The following SLC35F1 variants were observed in gnomAD, a reference collection of about 807,000 sequenced individuals.
SLC35F1 encodes solute carrier family 35 member F1, also known as chromosome 6 open reading frame 169.
A neutral mutation model predicts 48.7 loss-of-function variants in SLC35F1; 14 were observed. That is an observed-to-expected ratio of 0.29 (90% CI 0.19 to 0.45). SLC35F1 has a LOEUF of 0.45. Ranked by LOEUF, SLC35F1 falls within the 20% of genes least tolerant of loss-of-function variation. SLC35F1 has a pLI of 1.00. For missense variants in SLC35F1, 404 were observed against 500.0 expected (o/e 0.81, Z 1.83); for synonymous variants, 190 against 202.2 (o/e 0.94, Z 0.51).
intron 1 of SLC35F1, among the ~76,000 whole-genome samples, chr6:118,137,018 A>T (rs1332188391): frequency 6.6e-6 from 1 of 152,184 alleles, no homozygotes. Context: ...CTTTGATTTT[A>T]TATGTTGTTG....
intron 1 of SLC35F1, among the ~76,000 whole-genome samples, chr6:118,127,192 G>T (rs1242022984): frequency 4.1e-4 from 62 of 151,602 alleles, no homozygotes; most frequent in Non-Finnish European, 1.3e-4. Context: ...TAGCATGAAG[G>T]GTTGTTGAAT....
intron 2 of SLC35F1, among the ~76,000 whole-genome samples, chr6:118,202,415 T>A (rs1463710928): frequency 2.0e-5 from 3 of 152,152 alleles, no homozygotes; most frequent in Non-Finnish European, 4.4e-5. Context: ...GAGGATTGCT[T>A]GAACCCAGGA....
At chr6:118,141,613 A>G (rs564210233) in intron 1 of SLC35F1, among the ~76,000 whole-genome samples, 2 of 152,284 alleles carry the variant, frequency 1.3e-5, no homozygotes, top group Admixed American at 1.3e-4. Flanking sequence ...ACATGGCAGA[A>G]AGAGGGCAAG....
In SLC35F1 at chr6:118,182,325, A is replaced by G. The variant is rs554144040; in HGVS notation, c.349+27705A>G. 1.2e-3 allele frequency among the ~76,000 whole-genome samples: 172 copies of G among 146,058 alleles called. 3 individuals carry two copies. The highest frequency in any genetic ancestry group is 4.0e-3 in the African/African-American group (159 of 39,958). On this transcript the variant is annotated intron_variant, in intron 2 of 7. Coordinates refer to ENST00000360388, the MANE Select transcript of SLC35F1 (RefSeq NM_001029858.4). ...ATATCTCTACAAATAAAAAAGAAAA[A>G]TTTTTTTTTTTTTAGTTAGCCAGGA...
intron 1 of SLC35F1, among the ~76,000 whole-genome samples, chr6:118,026,102 T>C (rs1176330751): frequency 2.0e-5 from 3 of 152,164 alleles, no homozygotes; most frequent in African/African-American, 4.8e-5. Flanking sequence ...GCATTACTTA[T>C]AGTAATGAAG....
intron 1 of SLC35F1, among the ~76,000 whole-genome samples, chr6:117,975,482 A>AT (rs570168201): frequency 2.0e-5 from 3 of 151,854 alleles, no homozygotes; most frequent in African/African-American, 7.3e-5. Flanking sequence ...TGCCTTGAAA[A>AT]TTTTTTTTCA....
chr6:117,970,361 G>A (rs1036694069), intron 1 of SLC35F1, among the ~76,000 whole-genome samples: 10 of 152,194 alleles, frequency 6.6e-5, no homozygotes, highest in African/African-American at 2.4e-5. Flanking sequence ...AACTCATCAA[G>A]CACCTTAGTG....
chr6:118,189,930 C>T (rs1487955108), intron 2 of SLC35F1, among the ~76,000 whole-genome samples: 1 of 152,212 alleles, frequency 6.6e-6, no homozygotes, highest in African/African-American at 2.4e-5. Flanking sequence ...TGAAGTATGT[C>T]TGCTGGGATT....
chr6:118,248,924 G>T (rs1775539544), intron 3 of SLC35F1, among the ~76,000 whole-genome samples: 1 of 152,138 alleles, frequency 6.6e-6, no homozygotes, highest in South Asian at 2.1e-4. Context: ...TCATGAGGGT[G>T]GAGCCATCCT....
At chr6:118,028,535 A>G (rs919486391) in intron 1 of SLC35F1, among the ~76,000 whole-genome samples, 3 of 152,100 alleles carry the variant, frequency 2.0e-5, no homozygotes, top group African/African-American at 7.2e-5. Context: ...GAGCGACCAT[A>G]TTGAGGAAAT....
Position 118,050,894 on chromosome 6 carries a change from G to A in SLC35F1, c.174-103551G>A, listed in dbSNP as rs11153718. On this transcript the variant is annotated intron_variant, in intron 1 of 7. Transcript: ENST00000360388. ...AGATGGAGAGGGAACACAAGGAGTA[G>A]GGGGCTCCTGGTAGCTGTAGGGTGG... 0.23 allele frequency among the ~76,000 whole-genome samples: 35,357 copies of A among 151,962 alleles called. 4,338 individuals carry two copies. Among genetic ancestry groups the A allele is most frequent in the East Asian group, 0.36 (1,848 of 5,158 alleles).
At chr6:118,152,347 G>A (rs1283072460) in intron 1 of SLC35F1, among the ~76,000 whole-genome samples, 1 of 152,200 alleles carries the variant, frequency 6.6e-6, no homozygotes, top group Non-Finnish European at 1.5e-5. Context: ...TGGGAATGGA[G>A]GGAGAGCGTT....
chr6:118,089,530 C>T (rs1326768944), intron 1 of SLC35F1, among the ~76,000 whole-genome samples: 1 of 152,164 alleles, frequency 6.6e-6, no homozygotes, highest in Non-Finnish European at 1.5e-5. Context: ...TTTTATGATA[C>T]ACTCTCAGGA....
chr6:118,291,622 G>A (rs1401172611), intron 7 of SLC35F1, among the ~76,000 whole-genome samples: 8 of 152,090 alleles, frequency 5.3e-5, no homozygotes, highest in South Asian at 2.1e-4. Flanking sequence ...TAATGCCGCC[G>A]CTGCCTTTGA....
chr6:118,292,671 C>T (rs982475271), intron 7 of SLC35F1, among the ~76,000 whole-genome samples: 4 of 142,442 alleles, frequency 2.8e-5, no homozygotes, highest in Admixed American at 7.0e-5. Context: ...GCCTGCCTAA[C>T]ATTGATTATT....
chr6:118,297,604 G>C (rs1340691966), intron 7 of SLC35F1, among the ~76,000 whole-genome samples: 1 of 139,376 alleles, frequency 7.2e-6, no homozygotes, highest in Admixed American at 7.4e-5. Context: ...ATCCTAAGTT[G>C]CATTTTTTTC....
At chr6:117,968,316 G>A (rs1364734319) in intron 1 of SLC35F1, among the ~76,000 whole-genome samples, 3 of 152,136 alleles carry the variant, frequency 2.0e-5, no homozygotes, top group African/African-American at 4.8e-5. Context: ...TCCTAACAGT[G>A]TATTTTATTT....
rs559715724 is a variant in SLC35F1 at position 118,043,571 on chromosome 6, A to T, written c.174-110874A>T. 5.3e-5 allele frequency among the ~76,000 whole-genome samples: 8 copies of T among 152,298 alleles called. No individual in the cohort carries two copies. In the East Asian group the frequency reaches 1.4e-3, roughly 26 times the overall value. ...CCTGGTATCTAGAGTTAGAATTGGTACATAGTAAAAGTTCAATACATATTT... is the reference window on the plus strand; with the variant it reads ...CCTGGTATCTAGAGTTAGAATTGGTTCATAGTAAAAGTTCAATACATATTT... On this transcript the variant is annotated intron_variant, in intron 1 of 7. Transcript: ENST00000360388.
intron 1 of SLC35F1, among the ~76,000 whole-genome samples, chr6:118,133,116 T>C (rs1341457688): frequency 6.6e-6 from 1 of 152,162 alleles, no homozygotes; most frequent in Non-Finnish European, 1.5e-5. Context: ...ATGGTGTATC[T>C]GAACAAGAGG....
Sources: gnomAD v4.1 joint callset for allele counts (sites outside exome capture counted in the v4.1 genomes callset) on GRCh38, gnomAD v4.1.1 for gene constraint, MANE v1.5 for transcripts, NCBI Gene and HGNC (gene_info 2026-07-23, HGNC 2026-07-21) for gene names.